B3GALT1: variants seen among roughly 807,000 people sequenced by gnomAD.
B3GALT1 encodes beta-1,3-galactosyltransferase 1.
B3GALT1 carries 10 observed loss-of-function variants against 23.2 expected under a neutral mutation model. The observed-to-expected ratio is 0.43, with a 90% CI of 0.27 to 0.73. B3GALT1 has a LOEUF of 0.73. Among genes scored for constraint, B3GALT1 ranks in the 30% least tolerant of loss-of-function variants. The pLI, the probability that B3GALT1 is intolerant of heterozygous loss-of-function variation, is 0.21. For missense variants in B3GALT1, 299 were observed against 405.4 expected (o/e 0.74, Z 2.25); for synonymous variants, 156 against 141.5 (o/e 1.10, Z -0.73).
At chr2:167,815,059 G>A (rs1469185520) in intron 3 of B3GALT1, 1 of 152,234 alleles carries the variant, frequency 6.6e-6, no homozygotes, top group African/African-American at 2.4e-5. Flanking sequence ...AACCATCCCA[G>A]CCCCAGAGCT....
At chr2:167,667,523 CT>C (rs1161310346) in intron 3 of B3GALT1, among the ~76,000 whole-genome samples, 2 of 152,190 alleles carry the variant, frequency 1.3e-5, no homozygotes, top group Non-Finnish European at 2.9e-5. Context: ...GGAAGTTCTC[CT>C]GGATAATATC....
At chr2:167,714,819 T>C (rs1687118422) in intron 3 of B3GALT1, 4 of 1,611,800 alleles carry the variant, frequency 2.5e-6, no homozygotes, top group South Asian at 1.1e-5. Flanking sequence ...TCTTCCACTT[T>C]AGAAAGCTTC....
rs112114234 is a variant in B3GALT1, at chr2:167,441,146, T to C, written c.-510-49031T>C. Among the ~76,000 whole-genome samples the C allele has an allele frequency of 5.3e-5, 8 of 152,304 alleles. 1 individual carries two copies. Among genetic ancestry groups the C allele is most frequent in the African/African-American group, 1.9e-4 (8 of 41,564 alleles). ...GGCATGTGTTTGACCAAATGGACTCTAGCATTGCGTGCATGACTAGTTCAC... is the reference window on the plus strand; with the variant it reads ...GGCATGTGTTTGACCAAATGGACTCCAGCATTGCGTGCATGACTAGTTCAC... On this transcript the variant is annotated intron_variant, in intron 1 of 4. Transcript: ENST00000392690.
intron 1 of B3GALT1, among the ~76,000 whole-genome samples, chr2:167,312,400 CT>C (rs1170195255): frequency 6.6e-6 from 1 of 151,938 alleles, no homozygotes; most frequent in South Asian, 2.1e-4. Context: ...GGACGTAAGA[CT>C]TTGATAAGTT....
chr2:167,638,155 A>G (rs944218895), intron 2 of B3GALT1, among the ~76,000 whole-genome samples: 1 of 152,064 alleles, frequency 6.6e-6, no homozygotes, highest in Non-Finnish European at 1.5e-5. Flanking sequence ...GAATAGAGCA[A>G]CCCAATGAAT....
intron 2 of B3GALT1, among the ~76,000 whole-genome samples, chr2:167,522,507 A>C (rs928806083): frequency 6.6e-6 from 1 of 152,140 alleles, no homozygotes; most frequent in Non-Finnish European, 1.5e-5. Flanking sequence ...AATATCCGAG[A>C]TGTTCATGAA....
intron 4 of B3GALT1, among the ~76,000 whole-genome samples, chr2:167,825,371 G>A (rs1044962965): frequency 6.7e-6 from 1 of 150,178 alleles, no homozygotes; most frequent in Admixed American, 6.6e-5. Context: ...TGAGGAACTT[G>A]TTAGCAAAGG....
At chr2:167,600,753 C>T (rs1397826301) in intron 2 of B3GALT1, among the ~76,000 whole-genome samples, 2 of 152,174 alleles carry the variant, frequency 1.3e-5, no homozygotes, top group African/African-American at 4.8e-5. Context: ...GGCTGAATAA[C>T]ATTCCATGGT....
Position 167,547,295 on chromosome 2 carries a change from T to A in B3GALT1, c.-410+57018T>A, listed in dbSNP as rs541167908. On this transcript the variant is annotated intron_variant, in intron 2 of 4. Coordinates refer to ENST00000392690, the MANE Select transcript of B3GALT1 (RefSeq NM_020981.4). Reference sequence around the variant, plus strand: ...TCTGCACATTAAAATATTTGTGACATCCTTAGTGGGAAGCAGAAAGATTTT... The same window carrying A: ...TCTGCACATTAAAATATTTGTGACAACCTTAGTGGGAAGCAGAAAGATTTT... Among the ~76,000 whole-genome samples, 6 of 152,308 alleles carry A rather than the reference T, an allele frequency of 3.9e-5. No homozygotes were observed. The South Asian group carries it at 1.2e-3, about 32-fold the overall frequency.
At chr2:167,540,037 G>A (rs1369578802) in intron 2 of B3GALT1, among the ~76,000 whole-genome samples, 1 of 152,052 alleles carries the variant, frequency 6.6e-6, no homozygotes, top group East Asian at 1.9e-4. Flanking sequence ...TCAATTTAAA[G>A]TAATTACCAA....
At chr2:167,660,887 T>C (rs551434933) in intron 3 of B3GALT1, among the ~76,000 whole-genome samples, 1 of 152,244 alleles carries the variant, frequency 6.6e-6, no homozygotes, top group East Asian at 1.9e-4. Context: ...TGAAAATCAA[T>C]AGAATAAAGT....
At chr2:167,510,344 A>G (rs1699986898) in intron 2 of B3GALT1, among the ~76,000 whole-genome samples, 1 of 151,610 alleles carries the variant, frequency 6.6e-6, no homozygotes, top group African/African-American at 2.4e-5. Context: ...TATTTTTTTA[A>G]TTACATAATT....
intron 3 of B3GALT1, among the ~76,000 whole-genome samples, chr2:167,795,750 C>G (rs771191347): frequency 6.6e-6 from 1 of 152,190 alleles, no homozygotes. Flanking sequence ...AATTCTAAAG[C>G]TTATAGATCC....
intron 3 of B3GALT1, among the ~76,000 whole-genome samples, chr2:167,703,731 A>T (rs1686918912): frequency 1.3e-5 from 2 of 152,202 alleles, no homozygotes; most frequent in Non-Finnish European, 2.9e-5. Context: ...GCAAGGGCAG[A>T]TCATTTCAGA....
At chr2:167,337,693 G>T in intron 1 of B3GALT1, among the ~76,000 whole-genome samples, 1 of 152,104 alleles carries the variant, frequency 6.6e-6, no homozygotes, top group South Asian at 2.1e-4. Context: ...TGCTGCACAG[G>T]ATATCTGCAT....
At chr2:167,575,817 A>G (rs1047227582) in intron 2 of B3GALT1, among the ~76,000 whole-genome samples, 3 of 151,766 alleles carry the variant, frequency 2.0e-5, no homozygotes, top group Non-Finnish European at 4.4e-5. Flanking sequence ...GGAATAAACC[A>G]TTATTATCAT....
At chr2:167,405,945 T>C (rs772203780) in intron 1 of B3GALT1, among the ~76,000 whole-genome samples, 24 of 151,982 alleles carry the variant, frequency 1.6e-4, no homozygotes, top group Non-Finnish European at 3.1e-4. Flanking sequence ...GATAGATGGG[T>C]AAATAGAAGA....
At chr2:167,343,476 G>C (rs976833504) in intron 1 of B3GALT1, among the ~76,000 whole-genome samples, 2 of 152,120 alleles carry the variant, frequency 1.3e-5, no homozygotes, top group Non-Finnish European at 2.9e-5. Context: ...CTCATTTTAA[G>C]CAACTACACT....
intron 1 of B3GALT1, among the ~76,000 whole-genome samples, chr2:167,326,132 T>A (rs1009882988): frequency 5.3e-5 from 8 of 151,810 alleles, no homozygotes; most frequent in Non-Finnish European, 1.0e-4. Context: ...CTTACTGGAG[T>A]ATGATGATAT....
Sources: gnomAD v4.1 joint callset for allele counts (sites outside exome capture counted in the v4.1 genomes callset) on GRCh38, gnomAD v4.1.1 for gene constraint, MANE v1.5 for transcripts, NCBI Gene and HGNC (gene_info 2026-07-23, HGNC 2026-07-21) for gene names.